The following PCDHA4 variants were observed in gnomAD, a reference collection of about 807,000 sequenced individuals.
PCDHA4 encodes protocadherin alpha 4.
PCDHA4 carries 49 observed loss-of-function variants against 61.4 expected under a neutral mutation model. The ratio of observed to expected loss-of-function variants is 0.80; its 90% confidence interval spans 0.63 to 1.01. PCDHA4 has a LOEUF of 1.01. Ranked by LOEUF, PCDHA4 falls within the 50% of genes least tolerant of loss-of-function variation. The probability of loss-of-function intolerance (pLI) is 0.00; values close to 1 mark genes in which losing one functional copy is unlikely to be tolerated. For missense variants in PCDHA4, 1,254 were observed against 1,235.8 expected (o/e 1.01, Z -0.22); for synonymous variants, 590 against 550.3 (o/e 1.07, Z -1.01).
At chr5:140,969,087 T>C (rs146741684) in intron 1 of PCDHA4, 741 of 1,613,920 alleles carry the variant, frequency 4.6e-4, no homozygotes, top group Non-Finnish European at 5.8e-4. Flanking sequence ...GGCCTCAAAG[T>C]GCAGCCTCAC....
chr5:141,000,421 A>T (rs4912737), intron 3 of PCDHA4, among the ~76,000 whole-genome samples: 2,503 of 28,048 alleles, frequency 0.089, 337 homozygotes, highest in East Asian at 0.098. Flanking sequence ...ATATATATAT[A>T]TTTTTTTTTT....
At chr5:140,882,960 C>G in intron 1 of PCDHA4, 11 of 1,614,166 alleles carry the variant, frequency 6.8e-6, no homozygotes, top group Non-Finnish European at 5.9e-6. Flanking sequence ...CTGCTCATCA[C>G]GATTCTGGAC....
intron 1 of PCDHA4, among the ~76,000 whole-genome samples, chr5:140,872,990 A>G (rs987650775): frequency 1.1e-4 from 17 of 152,184 alleles, no homozygotes; most frequent in African/African-American, 3.6e-4. Flanking sequence ...AAGATCATTT[A>G]CTTCTGAGTC....
rs1488596274 is a variant in PCDHA4, at chr5:140,841,538, G to A, written c.2385+31966G>A. 4 of 1,613,606 alleles carry A rather than the reference G, an allele frequency of 2.5e-6. No homozygotes were observed. The African/African-American group carries it at 5.3e-5, about 22-fold the overall frequency. ...CCGGGTGGCGTCCAAAAGACACCGG[G>A]ACCTTCTGGAGGTAAGTCTGCAGAA... On this transcript the variant is annotated intron_variant, in intron 1 of 3. Transcript: ENST00000530339.
At chr5:141,000,743 T>TAA (rs527867626) in intron 3 of PCDHA4, among the ~76,000 whole-genome samples, 3 of 145,408 alleles carry the variant, frequency 2.1e-5, no homozygotes, top group Admixed American at 6.9e-5. Context: ...CTCTGTATAT[T>TAA]AAAAAAAAAA....
At chr5:140,882,588 A>T in intron 1 of PCDHA4, 7 of 1,614,186 alleles carry the variant, frequency 4.3e-6, no homozygotes, top group Non-Finnish European at 5.1e-6. Context: ...ATCCACCTGG[A>T]GGTGATCGTG....
chr5:140,830,054 G>C, intron 1 of PCDHA4: 1 of 1,613,740 alleles, frequency 6.2e-7, no homozygotes, highest in Non-Finnish European at 8.5e-7. Flanking sequence ...GAAAGACCAC[G>C]GTGAGCCGGC....
chr5:140,871,522 A>G (rs1554165699), intron 1 of PCDHA4: 1 of 1,549,186 alleles, frequency 6.5e-7, no homozygotes, highest in Non-Finnish European at 8.7e-7. Context: ...TCCACCTATC[A>G]GGAAGTGTAT....
rs3822347 is a variant in PCDHA4, at chr5:140,807,517, A to G, written c.330A>G (p.Val110=). The G allele has an allele frequency of 0.53, 849,109 of 1,611,782 alleles. 224,501 individuals carry two copies. The highest frequency in any genetic ancestry group is 0.58 in the Middle Eastern group (3,503 of 6,030). Residue 110 remains valine, a synonymous_variant, in exon 1 of 4, where the codon GTA becomes GTG. Transcript: ENST00000530339. ...GCAGCATCCACCTGGAGGTGATCGTAGACAGGCCGCTGCAGGTTTTCCATG... is the reference window on the plus strand; with the variant it reads ...GCAGCATCCACCTGGAGGTGATCGTGGACAGGCCGCTGCAGGTTTTCCATG... ...AECSIHLEVI[V]DRPLQVFHVD...
intron 1 of PCDHA4, chr5:140,816,694 T>A (rs1309487949): frequency 6.6e-6 from 1 of 152,210 alleles, no homozygotes; most frequent in Non-Finnish European, 1.5e-5. Flanking sequence ...TCTTTACTAA[T>A]CAGGCTGGCT....
intron 1 of PCDHA4, chr5:140,851,422 A>C (rs1554145396): frequency 1.1e-6 from 1 of 948,550 alleles, no homozygotes; most frequent in Non-Finnish European, 1.3e-6. Flanking sequence ...ACTTCCCCTA[A>C]ACTTTAGAAA....
intron 1 of PCDHA4, chr5:140,812,382 C>T (rs1027211220): frequency 6.6e-6 from 1 of 151,602 alleles, no homozygotes; most frequent in Non-Finnish European, 1.5e-5. Context: ...TTGTTTTTTT[C>T]TTAGTCTAGC....
intron 1 of PCDHA4, chr5:140,842,493 C>G (rs1554139100): frequency 6.2e-7 from 1 of 1,613,738 alleles, no homozygotes; most frequent in African/African-American, 1.3e-5. Context: ...TCCCTGATGC[C>G]CCATGTCCCC....
intron 1 of PCDHA4, chr5:140,829,700 G>C (rs188962276): frequency 6.2e-7 from 1 of 1,613,364 alleles, no homozygotes; most frequent in Admixed American, 1.7e-5. Context: ...TCAGGTGAGC[G>C]CGCGCGACGC....
At chr5:140,835,546 C>A (rs1340907598) in intron 1 of PCDHA4, 1 of 1,613,946 alleles carries the variant, frequency 6.2e-7, no homozygotes, top group African/African-American at 1.3e-5. Context: ...GTTACCTGCT[C>A]CCTGACGCCC....
rs185971380 is a variant in PCDHA4, at chr5:140,858,398, G to C, written c.2385+48826G>C. The C allele has an allele frequency of 3.8e-6, 6 of 1,574,020 alleles. No homozygotes were observed. Among genetic ancestry groups the C allele is most frequent in the South Asian group, 2.3e-5 (2 of 88,596 alleles). ...ACCATGCCCAATGGTAGATGTGGACGGGGAAGATCAGTCTATTGGAGGGGA... is the reference window on the plus strand; with the variant it reads ...ACCATGCCCAATGGTAGATGTGGACCGGGAAGATCAGTCTATTGGAGGGGA... On this transcript the variant is annotated intron_variant, in intron 1 of 3. Coordinates refer to ENST00000530339, the MANE Select transcript of PCDHA4 (RefSeq NM_018907.4).
intron 1 of PCDHA4, among the ~76,000 whole-genome samples, chr5:140,920,012 G>A (rs531392984): frequency 2.6e-5 from 4 of 152,314 alleles, no homozygotes; most frequent in East Asian, 1.9e-4. Context: ...AAGGCCATGC[G>A]AAGATGGAGA....
chr5:140,856,566 C>A, intron 1 of PCDHA4: 2 of 1,597,240 alleles, frequency 1.3e-6, no homozygotes, highest in Non-Finnish European at 1.7e-6. Flanking sequence ...AAACTCAGTC[C>A]AAATGAGTAT....
chr5:140,982,299 T>C, intron 2 of PCDHA4, 176 bp from the exon 3 acceptor site: 1 of 1,200,862 alleles, frequency 8.3e-7, no homozygotes, highest in South Asian at 1.7e-5. Flanking sequence ...AAGTCAGCAA[T>C]GCTTCTGCAG....
Sources: allele counts gnomAD v4.1 joint callset (sites outside exome capture counted in the v4.1 genomes callset), GRCh38; gene constraint gnomAD v4.1.1; transcripts MANE v1.5; gene names NCBI Gene and HGNC (gene_info 2026-07-23, HGNC 2026-07-21).